Variants in IL23R observed in about 807,000 individuals in gnomAD.
IL23R encodes interleukin-23 receptor.
Under a neutral mutation model 56.9 loss-of-function variants are expected in IL23R, and 34 were observed. The observed-to-expected ratio is 0.60, with a 90% CI of 0.45 to 0.80. IL23R has a LOEUF of 0.80. Ranked by LOEUF, IL23R falls within the 30% of genes least tolerant of loss-of-function variation. IL23R has a pLI of 0.00. For missense variants in IL23R, 635 were observed against 730.0 expected (o/e 0.87, Z 1.50); for synonymous variants, 230 against 249.2 (o/e 0.92, Z 0.73).
At chr1:67,201,752 T>C (rs1648658257) in intron 5 of IL23R, among the ~76,000 whole-genome samples, 1 of 152,160 alleles carries the variant, frequency 6.6e-6, no homozygotes, top group African/African-American at 2.4e-5. Context: ...GACCTCTCTA[T>C]GTTCATCAGC....
chr1:67,211,832 T>A (rs1014683932), intron 6 of IL23R, among the ~76,000 whole-genome samples: 1 of 152,170 alleles, frequency 6.6e-6, no homozygotes, highest in African/African-American at 2.4e-5. Context: ...ACAGGTACAT[T>A]TGAGCTCACT....
At chr1:67,226,438 G>T (rs1282266423) in intron 7 of IL23R, among the ~76,000 whole-genome samples, 3 of 152,174 alleles carry the variant, frequency 2.0e-5, no homozygotes, top group African/African-American at 7.2e-5. Flanking sequence ...CCCTGGAGTT[G>T]GCTGTCCAGC....
intron 5 of IL23R, among the ~76,000 whole-genome samples, chr1:67,206,480 T>G (rs1649068582): frequency 6.6e-6 from 1 of 152,154 alleles, no homozygotes; most frequent in African/African-American, 2.4e-5. Context: ...CTGGCTCAAT[T>G]TAACATCTTT....
intron 4 of IL23R, among the ~76,000 whole-genome samples, chr1:67,184,242 A>T (rs1380079253): frequency 1.4e-5 from 2 of 146,906 alleles, no homozygotes; most frequent in African/African-American, 2.5e-5. Context: ...CTCAAAAATA[A>T]TAATAAATAA....
downstream of IL23R, among the ~76,000 whole-genome samples, chr1:67,260,318 G>T (rs1224622823): frequency 6.6e-6 from 1 of 152,116 alleles, no homozygotes; most frequent in Non-Finnish European, 1.5e-5. Context: ...TAGAACCTAT[G>T]AGAGGTAACA....
chr1:67,185,581 G>A (rs1432651950), intron 4 of IL23R, among the ~76,000 whole-genome samples: 1 of 152,090 alleles, frequency 6.6e-6, no homozygotes, highest in Non-Finnish European at 1.5e-5. Context: ...CTCTATGGAA[G>A]AGAATAACCT....
At chr1:67,154,763 T>C (rs550951093) in intron 1 of IL23R, among the ~76,000 whole-genome samples, 1 of 152,352 alleles carries the variant, frequency 6.6e-6, no homozygotes, top group Admixed American at 6.5e-5. Flanking sequence ...CTGTGTCTTT[T>C]AATTGGGGCA....
chr1:67,187,711 G>C (rs1278107515), intron 4 of IL23R, among the ~76,000 whole-genome samples: 2 of 152,170 alleles, frequency 1.3e-5, no homozygotes, highest in African/African-American at 4.8e-5. Flanking sequence ...TAGAGTTTTA[G>C]ATTTAATTTC....
At chr1:67,238,402 C>A (rs546029451) in intron 8 of IL23R, among the ~76,000 whole-genome samples, 10 of 151,494 alleles carry the variant, frequency 6.6e-5, no homozygotes, top group African/African-American at 2.4e-4. Context: ...AAGGTAAGGG[C>A]ACTCTGAATT....
chr1:67,178,931 A>G (rs143730402), intron 3 of IL23R, among the ~76,000 whole-genome samples: 3,237 of 152,182 alleles, frequency 0.021, 103 homozygotes, highest in African/African-American at 0.074. Flanking sequence ...ATTGATTTGC[A>G]TATGTTGAAC....
chr1:67,205,357 G>T (rs1648930451), intron 5 of IL23R, among the ~76,000 whole-genome samples: 1 of 152,078 alleles, frequency 6.6e-6, no homozygotes, highest in Non-Finnish European at 1.5e-5. Flanking sequence ...TTTTCTTAAA[G>T]AAAGTTTTAT....
intron 7 of IL23R, among the ~76,000 whole-genome samples, chr1:67,225,563 G>GGCTATC (rs1650558858): frequency 6.7e-6 from 1 of 149,652 alleles, no homozygotes; most frequent in African/African-American, 2.5e-5. Flanking sequence ...CCAGGCTAGA[G>GGCTATC]TGTAGTGCAC....
intron 8 of IL23R, among the ~76,000 whole-genome samples, chr1:67,238,189 A>T (rs569519866): frequency 6.6e-6 from 1 of 152,046 alleles, no homozygotes; most frequent in African/African-American, 2.4e-5. Context: ...TTTTACAAAA[A>T]ATACAAAAAT....
At chr1:67,220,740 C>G (rs1490117344) in intron 7 of IL23R, among the ~76,000 whole-genome samples, 2 of 152,088 alleles carry the variant, frequency 1.3e-5, no homozygotes, top group African/African-American at 4.8e-5. Flanking sequence ...GCATGGTGGC[C>G]CACGCCCATA....
intron 4 of IL23R, 144 bp downstream of exon 4, chr1:67,183,103 A>G: frequency 1.0e-6 from 1 of 968,092 alleles, no homozygotes. Context: ...ATGATCAGTG[A>G]AACTACCAAA....
chr1:67,186,920 C>T (rs1647380389), intron 4 of IL23R, among the ~76,000 whole-genome samples: 2 of 152,032 alleles, frequency 1.3e-5, no homozygotes, highest in African/African-American at 4.8e-5. Context: ...CGCGCCTGGC[C>T]CTTTATTCCT....
intron 1 of IL23R, among the ~76,000 whole-genome samples, chr1:67,141,567 A>G (rs1204381409): frequency 1.3e-5 from 2 of 152,122 alleles, no homozygotes; most frequent in East Asian, 3.9e-4. Context: ...AGACCAGCGT[A>G]GGCAACACAG....
At chr1:67,155,170 G>A (rs1646760930) in intron 1 of IL23R, among the ~76,000 whole-genome samples, 1 of 152,194 alleles carries the variant, frequency 6.6e-6, no homozygotes, top group African/African-American at 2.4e-5. Context: ...CTGTTAGTCT[G>A]ATGGGCTTCC....
chr1:67,242,372 C>T (rs1651908024), intron 9 of IL23R, among the ~76,000 whole-genome samples: 1 of 152,092 alleles, frequency 6.6e-6, no homozygotes, highest in Non-Finnish European at 1.5e-5. Context: ...AACATATACC[C>T]CATAATACAC....
Sources: allele counts gnomAD v4.1 joint callset (sites outside exome capture counted in the v4.1 genomes callset), GRCh38; gene constraint gnomAD v4.1.1; transcripts MANE v1.5; gene names NCBI Gene and HGNC (gene_info 2026-07-23, HGNC 2026-07-21).